The following SLC35A2 variants were observed in gnomAD, a reference collection of about 807,000 sequenced individuals.
The protein encoded by SLC35A2 is solute carrier family 35 member A2, also known as UDP-galactose translocator.
SLC35A2 carries 1 observed loss-of-function variant against 17.3 expected under a neutral mutation model. The observed-to-expected ratio is 0.06, with a 90% CI of 0.02 to 0.27. SLC35A2 has a LOEUF of 0.27. Among genes scored for constraint, SLC35A2 ranks in the 10% least tolerant of loss-of-function variants. SLC35A2 has a pLI of 1.00. For synonymous variants in SLC35A2, 161 were observed against 161.3 expected (o/e 1.00, Z 0.01); for missense variants, 191 against 339.3 (o/e 0.56, Z 3.43).
At position 48,903,649 on chromosome X, in the gene SLC35A2, C is replaced by T; in HGVS notation, c.1164-184G>A. On this transcript the variant is annotated intron_variant, in intron 4 of 4. Transcript: ENST00000247138. ...AACATCTTTATTTGGCATTGGATAT[C>T]CTGACATTTGTTCATTACAGTTCCT... The T allele has an allele frequency of 6.8e-6, 5 of 736,239 alleles. No individual in the cohort carries two copies. The South Asian group carries it at 1.5e-4, about 22-fold the overall frequency. 60.7% of individuals were successfully genotyped at this position (736,239 alleles called of 1,213,427 possible).
chrX:48,906,980 C>A (rs1660616957), intron 2 of SLC35A2, among the ~76,000 whole-genome samples: 3 of 110,661 alleles, frequency 2.7e-5, no homozygotes, highest in African/African-American at 9.8e-5. Context: ...CCAGCTGGGC[C>A]AACAACACTG....
At chrX:48,911,511 G>A (rs1557044037) in intron 1 of SLC35A2, 35 bp downstream of exon 1, 2 of 1,156,554 alleles carry the variant, frequency 1.7e-6, no homozygotes, top group Admixed American at 2.6e-5. Context: ...CCCGACCTCC[G>A]CCTCCCATGC....
At chrX:48,911,846 T>C, upstream of SLC35A2, 1 of 1,167,225 alleles carries the variant, frequency 8.6e-7, no homozygotes, top group Non-Finnish European at 1.1e-6. Flanking sequence ...CACGGCCCGA[T>C]CGGCCTACCC....
At chrX:48,904,692 C>G in intron 4 of SLC35A2, 54 bp downstream of exon 4, 1 of 1,209,995 alleles carries the variant, frequency 8.3e-7, no homozygotes, top group Non-Finnish European at 1.1e-6. Context: ...CCACCCCAGT[C>G]CCCCTCCCTT....
At chrX:48,909,709 T>G in intron 2 of SLC35A2, 105 bp downstream of exon 2, 512 of 702,765 alleles carry the variant, frequency 7.3e-4, no homozygotes, top group Non-Finnish European at 9.7e-4. Context: ...CCAGGCAGGT[T>G]GAGATTTGGA....
chrX:48,909,414 T>G (rs2093281753), intron 2 of SLC35A2, among the ~76,000 whole-genome samples: 1 of 113,149 alleles, frequency 8.8e-6, no homozygotes, highest in Admixed American at 9.3e-5. Flanking sequence ...GGTAGACATA[T>G]AGATTGGCAG....
chrX:48,903,869 G>A, intron 4 of SLC35A2: 1 of 790,774 alleles, frequency 1.3e-6, no homozygotes, highest in Non-Finnish European at 1.5e-6. Flanking sequence ...ACACCCCCAT[G>A]AGGTAGGGGT....
intron 2 of SLC35A2, among the ~76,000 whole-genome samples, chrX:48,907,285 T>G (rs1214823839): frequency 1.0e-5 from 1 of 98,232 alleles, no homozygotes; most frequent in Non-Finnish European, 2.0e-5. Context: ...TAGTCTAGAC[T>G]TTTTTTTTTT....
intron 3 of SLC35A2, 87 bp from the exon 4 acceptor site, chrX:48,905,569 G>C (rs2063484987): frequency 3.3e-6 from 3 of 905,413 alleles, no homozygotes; most frequent in Non-Finnish European, 4.4e-6. Flanking sequence ...TGGGCCCCCA[G>C]GCACAATGGA....
intron 2 of SLC35A2, among the ~76,000 whole-genome samples, 178 bp downstream of exon 2, chrX:48,909,636 G>A (rs781824039): frequency 1.4e-4 from 16 of 113,612 alleles, no homozygotes; most frequent in Middle Eastern, 4.6e-3. Context: ...CACACAGGCC[G>A]GCTACCCGGC....
At chrX:48,911,449 C>T (rs2063533029) in intron 1 of SLC35A2, 97 bp downstream of exon 1, 1 of 1,066,403 alleles carries the variant, frequency 9.4e-7, no homozygotes, top group Admixed American at 2.6e-5. Flanking sequence ...CGTCGGTCCA[C>T]ACGGGATGCT....
At chrX:48,910,978 G>C (rs782668655) in intron 1 of SLC35A2, among the ~76,000 whole-genome samples, 1 of 110,631 alleles carries the variant, frequency 9.0e-6, no homozygotes, top group South Asian at 3.9e-4. Context: ...GGCACTCTCA[G>C]AACGTTCTTT....
intron 1 of SLC35A2, 128 bp downstream of exon 1, chrX:48,911,418 G>GCACACA (rs3066479): frequency 1.1e-5 from 8 of 752,452 alleles, no homozygotes; most frequent in African/African-American, 2.1e-5. Flanking sequence ...CTGACAATGT[G>GCACACA]CACACACACA....
chrX:48,910,264 G>T, intron 1 of SLC35A2: 3 of 1,150,374 alleles, frequency 2.6e-6, no homozygotes, highest in Non-Finnish European at 3.4e-6. Context: ...TCAGGTAATG[G>T]CTGAGGCAAA....
At chrX:48,905,619 G>C (rs1557042983) in intron 3 of SLC35A2, 137 bp from the exon 4 acceptor site, 1 of 539,562 alleles carries the variant, frequency 1.9e-6, no homozygotes, top group Non-Finnish European at 2.8e-6. Flanking sequence ...ACAGCAAAAG[G>C]AGCCAGCCAC....
At position 48,909,919 on chromosome X, in the gene SLC35A2, C is replaced by T. The variant is rs151120284; in HGVS notation, c.169G>A (p.Ala57Thr). ...AAGCGGTCCCCTGGCAACGTGCGGG[C>T]GTAGCGGATGCTGAGGATGAGGGAG... ...NASLILSIRY[A>T]RTLPGDRFFA... The change falls in exon 2 of 5, where the codon GCC (alanine) becomes ACC (threonine). Residue 57 changes from alanine to threonine, a missense_variant. By Grantham distance (58) the Ala-to-Thr change is moderately conservative. Around this residue, in one of 2 missense-constraint regions of SLC35A2, gnomAD observed 164 missense variants for 315.3 expected, o/e 0.52. Transcript: ENST00000247138. The T allele has an allele frequency of 2.2e-5, 26 of 1,208,783 alleles. No individual in the cohort carries two copies. In the African/African-American group the frequency reaches 4.4e-4, roughly 20 times the overall value.
intron 4 of SLC35A2, 101 bp from the exon 5 acceptor site, chrX:48,903,566 CT>C (rs2063460243): frequency 1.8e-6 from 1 of 551,858 alleles, no homozygotes; most frequent in Non-Finnish European, 3.2e-6. Context: ...GCTGGTAGTC[CT>C]GGGGTTAGTA....
intron 2 of SLC35A2, among the ~76,000 whole-genome samples, chrX:48,907,158 G>A: frequency 2.1e-5 from 2 of 97,359 alleles, no homozygotes; most frequent in African/African-American, 3.8e-5. Context: ...AACAGAGTGA[G>A]ACTCCATCTC....
chrX:48,909,727 C>T, intron 2 of SLC35A2, 87 bp downstream of exon 2: 1 of 881,548 alleles, frequency 1.1e-6, no homozygotes, highest in Non-Finnish European at 1.6e-6. Flanking sequence ...GGAGACACTC[C>T]TGAAGCAAAC....
Sources: allele counts gnomAD v4.1 joint callset (sites outside exome capture counted in the v4.1 genomes callset), GRCh38; gene constraint gnomAD v4.1.1; regional missense constraint gnomAD v4.1.1; transcripts MANE v1.5; gene names NCBI Gene and HGNC (gene_info 2026-07-23, HGNC 2026-07-21).